The following LRFN5 variants were observed in gnomAD, a reference collection of about 807,000 sequenced individuals.
LRFN5 encodes the protein leucine rich repeat and fibronectin type III domain containing 5.
A neutral mutation model predicts 45.6 loss-of-function variants in LRFN5; 24 were observed. That is an observed-to-expected ratio of 0.53 (90% CI 0.38 to 0.74). The LOEUF is 0.74. Among genes scored for constraint, LRFN5 ranks in the 30% least tolerant of loss-of-function variants. LRFN5 has a pLI of 0.00. For missense variants in LRFN5, 776 were observed against 861.5 expected, an observed-to-expected ratio of 0.90 and a Z score of 1.24; for synonymous variants, 340 against 313.8, an observed-to-expected ratio of 1.08 and a Z score of -0.88.
At chr14:41,651,622 G>T (rs888490674) in intron 1 of LRFN5, among the ~76,000 whole-genome samples, 2 of 152,074 alleles carry the variant, frequency 1.3e-5, no homozygotes, top group African/African-American at 4.8e-5. Flanking sequence ...ATTAAAAATA[G>T]ACATTCAAAT....
intron 2 of LRFN5, among the ~76,000 whole-genome samples, chr14:41,821,476 A>T (rs559703172): frequency 6.6e-6 from 1 of 152,056 alleles, no homozygotes; most frequent in South Asian, 2.1e-4. Flanking sequence ...CCTGCAATAA[A>T]ACCTACTTGA....
chr14:41,609,033 G>GTTCCTTTC (rs1887621389), intron 1 of LRFN5, among the ~76,000 whole-genome samples: 1 of 152,156 alleles, frequency 6.6e-6, no homozygotes, highest in Admixed American at 6.5e-5. Flanking sequence ...TTGTGGAGGA[G>GTTCCTTTC]CTTGCCAGAT....
At chr14:41,665,094 A>T (rs1880834706) in intron 1 of LRFN5, among the ~76,000 whole-genome samples, 1 of 152,006 alleles carries the variant, frequency 6.6e-6, no homozygotes, top group Non-Finnish European at 1.5e-5. Flanking sequence ...AAAACTTGAA[A>T]ATTTTTATTT....
At chr14:41,904,090 T>C (rs1891177138) in intron 5 of LRFN5, 68 bp from the exon 6 acceptor site, 2 of 1,295,652 alleles carry the variant, frequency 1.5e-6, no homozygotes, top group South Asian at 1.3e-5. Context: ...AATGATCTTA[T>C]TAGCTATGTG....
chr14:41,899,577 C>T (rs1891044680), intron 5 of LRFN5, among the ~76,000 whole-genome samples: 1 of 151,876 alleles, frequency 6.6e-6, no homozygotes, highest in Non-Finnish European at 1.5e-5. Context: ...GAGTGTGTTT[C>T]CAGAGCAGAG....
intron 2 of LRFN5, among the ~76,000 whole-genome samples, chr14:41,841,064 C>T (rs1271069683): frequency 6.6e-6 from 1 of 151,424 alleles, no homozygotes; most frequent in Non-Finnish European, 1.5e-5. Flanking sequence ...TGGTATGTGT[C>T]TGTAGCAATA....
Position 41,891,975 on chromosome 14 carries a change from C to T in LRFN5, c.2098+13C>T, listed in dbSNP as rs1189400194. On this transcript the variant is annotated intron_variant, in intron 4 of 5. Transcript: ENST00000298119. ...CATATAAAGCCAAGTAAGTTTATCA[C>T]TTTGCCTGCTGAGAGATCCGGAGCA... 2 of 1,607,294 alleles carry T rather than the reference C, an allele frequency of 1.2e-6. No individual in the cohort carries two copies. The highest frequency in any genetic ancestry group is 1.7e-6 in the Non-Finnish European group (2 of 1,178,304).
At chr14:41,755,094 C>G (rs540340168) in intron 1 of LRFN5, among the ~76,000 whole-genome samples, 28 of 152,202 alleles carry the variant, frequency 1.8e-4, no homozygotes, top group South Asian at 1.0e-3. Flanking sequence ...TTTCTTAATC[C>G]TGAGTTCTAG....
At chr14:41,836,093 T>A (rs12894501) in intron 2 of LRFN5, among the ~76,000 whole-genome samples, 8 of 151,804 alleles carry the variant, frequency 5.3e-5, no homozygotes, top group African/African-American at 1.9e-4. Context: ...GATATAAAAA[T>A]CCTTTACAAA....
At chr14:41,726,907 TA>T (rs1464724630) in intron 1 of LRFN5, among the ~76,000 whole-genome samples, 2 of 152,228 alleles carry the variant, frequency 1.3e-5, no homozygotes, top group Non-Finnish European at 2.9e-5. Flanking sequence ...ATTGTATGTA[TA>T]TATTAACATT....
chr14:41,893,366 A>C, intron 4 of LRFN5: 1 of 875,118 alleles, frequency 1.1e-6, no homozygotes, highest in Non-Finnish European at 1.3e-6. Flanking sequence ...AAGATCTATA[A>C]ACAGTTACCA....
At chr14:41,628,982 A>G (rs1054397546) in intron 1 of LRFN5, among the ~76,000 whole-genome samples, 2 of 152,136 alleles carry the variant, frequency 1.3e-5, no homozygotes, top group South Asian at 2.1e-4. Context: ...TAGTGTGTAA[A>G]CTGTTAAAAT....
chr14:41,846,416 G>A (rs534837839), intron 2 of LRFN5, among the ~76,000 whole-genome samples: 1 of 152,244 alleles, frequency 6.6e-6, no homozygotes, highest in South Asian at 2.1e-4. Context: ...ATGTAATAAT[G>A]TATAGCAATG....
intron 2 of LRFN5, among the ~76,000 whole-genome samples, chr14:41,831,118 G>A (rs10133234): frequency 0.75 from 114,186 of 152,110 alleles, 43,579 homozygotes; most frequent in African/African-American, 0.9. Context: ...AAGTGAGTTA[G>A]AAAGCCCATG....
chr14:41,819,947 A>G (rs1295520520), intron 2 of LRFN5, among the ~76,000 whole-genome samples: 1 of 120,216 alleles, frequency 8.3e-6, no homozygotes, highest in Non-Finnish European at 1.7e-5. Flanking sequence ...CCACTTTTTG[A>G]TAGGGTTATT....
chr14:41,618,392 A>G (rs1887994450), intron 1 of LRFN5, among the ~76,000 whole-genome samples: 1 of 152,220 alleles, frequency 6.6e-6, no homozygotes, highest in Non-Finnish European at 1.5e-5. Flanking sequence ...CTAATCCTCC[A>G]GAGACTATGT....
intron 1 of LRFN5, among the ~76,000 whole-genome samples, chr14:41,618,566 A>G (rs1888000250): frequency 6.6e-6 from 1 of 152,210 alleles, no homozygotes; most frequent in East Asian, 1.9e-4. Flanking sequence ...AGATAATTAT[A>G]GTCAGAAGAT....
chr14:41,767,534 A>C (rs773990947), intron 2 of LRFN5, among the ~76,000 whole-genome samples: 8 of 152,124 alleles, frequency 5.3e-5, no homozygotes, highest in Non-Finnish European at 1.2e-4. Context: ...ACTTTTCCTG[A>C]TTGGTTGGTT....
chr14:41,894,828 TA>T lies in LRFN5; in HGVS notation c.2098+2868del, dbSNP rs532868613. The stretch of plus-strand genomic sequence containing the variant: ...TTGTTATCTAAATATTATATTACCA[TA>T]AGCAACAAATTCTCTGTCCTTTTCT... On this transcript the variant is annotated intron_variant, in intron 4 of 5. Coordinates refer to ENST00000298119, the MANE Select transcript of LRFN5 (RefSeq NM_152447.5). The T allele has an allele frequency of 6.4e-5, 63 of 981,302 alleles. No individual in the cohort carries two copies. The South Asian group carries it at 2.3e-3, about 36-fold the overall frequency. 60.8% of individuals were successfully genotyped at this position (981,302 alleles called of 1,614,324 possible). A position where few individuals can be genotyped will look rare whatever the true frequency, so the allele number is the denominator to read the frequency against.
Sources: allele counts gnomAD v4.1 joint callset (sites outside exome capture counted in the v4.1 genomes callset), GRCh38; gene constraint gnomAD v4.1.1; transcripts MANE v1.5; gene names NCBI Gene and HGNC (gene_info 2026-07-23, HGNC 2026-07-21).